PLRG1: variants seen among roughly 807,000 people sequenced by gnomAD.
PLRG1 encodes the protein pleiotropic regulator 1 (PRL1 homolog, Arabidopsis).
PLRG1 carries 28 observed loss-of-function variants against 74.9 expected under a neutral mutation model. That is an observed-to-expected ratio of 0.37 (90% CI 0.28 to 0.51). The LOEUF is 0.51. Ranked by LOEUF, PLRG1 falls within the 20% of genes least tolerant of loss-of-function variation. The pLI, the probability that PLRG1 is intolerant of heterozygous loss-of-function variation, is 0.91. For missense variants in PLRG1, 445 were observed against 631.9 expected, an observed-to-expected ratio of 0.70 and a Z score of 3.17; for synonymous variants, 197 against 212.4, an observed-to-expected ratio of 0.93 and a Z score of 0.63.
rs1446864161 is a variant in PLRG1, at chr4:154,540,824, T to C, written c.798A>G (p.Glu266=). Residue 266 remains glutamate (E), a synonymous_variant, in exon 9 of 15, where the codon GAA becomes GAG. Transcript: ENST00000499023. The part of the protein sequence containing the change: ...TRSPYLFSCG[E]DKQVKCWDLE... ...GATCCCAGCATTTCACTTGTTTGTCTTCTCCACAAGAGAACAGATATGGGC... is the reference window on the plus strand; with the variant it reads ...GATCCCAGCATTTCACTTGTTTGTCCTCTCCACAAGAGAACAGATATGGGC... 2 of 1,613,720 alleles carry C rather than the reference T, an allele frequency of 1.2e-6. No homozygotes were observed. The highest frequency in any genetic ancestry group is 1.7e-6 in the Non-Finnish European group (2 of 1,179,762).
At chr4:154,549,521 G>A (rs377126935) in intron 1 of PLRG1, 2 of 373,020 alleles carry the variant, frequency 5.4e-6, no homozygotes, top group South Asian at 2.0e-5. Context: ...GTGTATGGAG[G>A]ATGAGATGGT....
intron 2 of PLRG1, among the ~76,000 whole-genome samples, chr4:154,548,396 T>C (rs892690404): frequency 2.0e-5 from 3 of 152,180 alleles, no homozygotes; most frequent in African/African-American, 7.2e-5. Flanking sequence ...GAAGGAACAC[T>C]GCACATAATG....
chr4:154,545,651 A>G (rs992760660), intron 6 of PLRG1, among the ~76,000 whole-genome samples, 185 bp downstream of exon 6: 1 of 152,252 alleles, frequency 6.6e-6, no homozygotes, highest in African/African-American at 2.4e-5. Context: ...ACAATGTACA[A>G]GTAGACAAAT....
In PLRG1 at chr4:154,538,138, A is replaced by G. The variant is rs757683750; in HGVS notation, c.1152-30T>C. 6.5e-5 allele frequency: 82 copies of G among 1,258,140 alleles called. No homozygotes were observed. In the Admixed American group the frequency reaches 1.8e-3, roughly 27 times the overall value. 77.9% of individuals were successfully genotyped at this position (1,258,140 alleles called of 1,614,324 possible). On this transcript the variant is annotated intron_variant, in intron 12 of 14. Coordinates refer to ENST00000499023, the MANE Select transcript of PLRG1 (RefSeq NM_002669.4). ...AATAATATTAAAAAGAATTAACGAC[A>G]AAGTAAACCAAGTTAAATAAAGTGG... is the stretch of plus-strand genomic sequence containing the variant.
chr4:154,549,149 G>C (rs1360463684), intron 1 of PLRG1: 1 of 545,062 alleles, frequency 1.8e-6, no homozygotes, highest in Non-Finnish European at 3.4e-6. Context: ...GAGTGATGCC[G>C]GAGTTTAACT....
At position 154,545,858 on chromosome 4, in the gene PLRG1, G is replaced by T. The variant is rs1386893094; in HGVS notation, c.470C>A (p.Pro157Gln). 6.2e-7 allele frequency: 1 copy of T among 1,610,542 alleles called. No homozygotes were observed. The highest frequency in any genetic ancestry group is 1.3e-5 in the African/African-American group (1 of 74,962). Residue 157 changes from proline (P) to glutamine (Q), a missense_variant, in exon 6 of 15, where the codon CCA becomes CAA. By Grantham distance (76) the Pro-to-Gln change is moderately conservative (BLOSUM62 -1). Coordinates refer to ENST00000499023, the MANE Select transcript of PLRG1 (RefSeq NM_002669.4). Reference protein sequence around the residue: ...EYRHPGASDRPQPTAMNSIVM... With the variant: ...EYRHPGASDRQQPTAMNSIVM... ...TACTGAATTCATCGCTGTAGGCTGTGGACGGTCAGAAGCCCCAGGATGTCG... is the reference window on the plus strand; with the variant it reads ...TACTGAATTCATCGCTGTAGGCTGTTGACGGTCAGAAGCCCCAGGATGTCG...
In PLRG1 at chr4:154,545,905, A is replaced by G. The variant is rs1729643328; in HGVS notation, c.423T>C (p.Thr141=). ...GTCGGTATTCACTTCCACTAGGGGC[A>G]GTACGATTTGCATCAGCCCTGGGGC... ...PLQTKADANR[T]APSGSEYRHP... is the part of the protein sequence containing the mutation. The change falls in exon 6 of 15, where the codon ACT becomes ACC. Residue 141 remains threonine, a synonymous_variant. Transcript: ENST00000499023. The G allele has an allele frequency of 6.2e-7, 1 of 1,610,944 alleles. No homozygotes were observed.
chr4:154,538,590 C>T (rs115934947), intron 12 of PLRG1, among the ~76,000 whole-genome samples: 4,077 of 151,654 alleles, frequency 0.027, 195 homozygotes, highest in African/African-American at 0.093. Flanking sequence ...GAGTAGAAGA[C>T]AGAGAAGAGG....
At chr4:154,547,660 G>A (rs1277416680) in intron 3 of PLRG1, 51 bp downstream of exon 3, 2 of 1,546,176 alleles carry the variant, frequency 1.3e-6, no homozygotes, top group Non-Finnish European at 1.8e-6. Flanking sequence ...TTATTTTTCT[G>A]TTTTTAAAAT....
chr4:154,538,882 ATTAT>A (rs1375040360), intron 12 of PLRG1: 9 of 467,210 alleles, frequency 1.9e-5, no homozygotes, highest in African/African-American at 5.8e-5. Context: ...CTCATTTGAC[ATTAT>A]TTATTTGTTA....
rs1729435207 is a variant in PLRG1, at chr4:154,535,749, T to G, written c.*936A>C. 1 of 152,100 alleles carries G rather than the reference T, an allele frequency of 6.6e-6. No homozygotes were observed. Among genetic ancestry groups the G allele is most frequent in the Non-Finnish European group, 1.5e-5 (1 of 67,988 alleles). 9.4% of individuals were successfully genotyped at this position (152,100 alleles called of 1,614,324 possible). A position where few individuals can be genotyped will look rare whatever the true frequency, so the allele number is the denominator to read the frequency against. On this transcript the variant is annotated 3_prime_UTR_variant, in exon 15 of 15. Coordinates refer to ENST00000499023, the MANE Select transcript of PLRG1 (RefSeq NM_002669.4). ...CTTCTCTTTAAAATCTCCGCAAGAT[T>G]GCAGCCCTTGCTACAGCTTTAAATA...
At chr4:154,543,387 G>C (rs932355892) in intron 7 of PLRG1, among the ~76,000 whole-genome samples, 1 of 152,094 alleles carries the variant, frequency 6.6e-6, no homozygotes, top group African/African-American at 2.4e-5. Context: ...AGGCTCAAGA[G>C]ATGCGCTTGC....
At position 154,539,180 on chromosome 4, in the gene PLRG1, A is replaced by G. The variant is rs745459067; in HGVS notation, c.1076T>C (p.Leu359Pro). ...SHDTTIRLWD[L>P]VAGKTRVTLT... is the part of the protein sequence containing the mutation. ...TGTCACTCTTGTTTTTCCAGCCACCAGATCCCATAATCGAATTGTAGTATC... is the reference window on the plus strand; with the variant it reads ...TGTCACTCTTGTTTTTCCAGCCACCGGATCCCATAATCGAATTGTAGTATC... The change falls in exon 12 of 15, where the codon CTG becomes CCG. Residue 359 changes from leucine (L) to proline (P), a missense_variant. Physicochemically the swap from Leu to Pro is moderately conservative, Grantham distance 98 (BLOSUM62 -3). Transcript: ENST00000499023. The G allele has an allele frequency of 6.2e-7, 1 of 1,611,628 alleles. No homozygotes were observed. The highest frequency in any genetic ancestry group is 1.1e-5 in the South Asian group (1 of 91,018).
chr4:154,537,271 A>G lies in PLRG1; in HGVS notation c.1485+15T>C. 6.4e-7 allele frequency: 1 copy of G among 1,572,792 alleles called. No homozygotes were observed. Among genetic ancestry groups the G allele is most frequent in the South Asian group, 1.1e-5 (1 of 88,202 alleles). On this transcript the variant is annotated intron_variant, in intron 14 of 14. Coordinates refer to ENST00000499023, the MANE Select transcript of PLRG1 (RefSeq NM_002669.4). ...ATAGCTGTTTTACTTAACGAATGTG[A>G]AACACAGAACTTACGGCTGTGTCAT...
chr4:154,543,515 C>T (rs1266626257), intron 7 of PLRG1, among the ~76,000 whole-genome samples: 1 of 151,454 alleles, frequency 6.6e-6, no homozygotes, highest in Non-Finnish European at 1.5e-5. Flanking sequence ...TTATGTTAGC[C>T]ATAAAAATTA....
chr4:154,549,096 A>C, intron 1 of PLRG1, 161 bp from the exon 2 acceptor site: 1 of 617,718 alleles, frequency 1.6e-6, no homozygotes, highest in South Asian at 1.5e-5. Context: ...TTCAGAGAAG[A>C]GGAGGAAGCT....
intron 14 of PLRG1, 56 bp from the exon 15 acceptor site, chr4:154,536,800 T>G: frequency 1.1e-6 from 1 of 887,020 alleles, no homozygotes; most frequent in Non-Finnish European, 1.8e-6. Flanking sequence ...TCATGTCTAA[T>G]AGGCTTCCTT....
chr4:154,549,176 A>G, intron 1 of PLRG1: 1 of 488,044 alleles, frequency 2.0e-6, no homozygotes, highest in Non-Finnish European at 3.9e-6. Flanking sequence ...ATAAATATTT[A>G]CTGAGCTCCT....
chr4:154,548,043 C>A (rs1172604441), intron 2 of PLRG1, among the ~76,000 whole-genome samples, 190 bp from the exon 3 acceptor site: 1 of 152,160 alleles, frequency 6.6e-6, no homozygotes, highest in East Asian at 1.9e-4. Context: ...ACACAGCATT[C>A]ATTAAACCTA....
Sources: gnomAD v4.1 joint callset for allele counts (sites outside exome capture counted in the v4.1 genomes callset) on GRCh38, gnomAD v4.1.1 for gene constraint, MANE v1.5 for transcripts, NCBI Gene and HGNC (gene_info 2026-07-23, HGNC 2026-07-21) for gene names.